The following MEMO1 variants were observed in gnomAD, a reference collection of about 807,000 sequenced individuals.
MEMO1 encodes the protein mediator of cell motility 1.
A neutral mutation model predicts 45.2 loss-of-function variants in MEMO1; 6 were observed. The observed-to-expected ratio is 0.13, with a 90% CI of 0.07 to 0.26. The LOEUF (loss-of-function observed/expected upper bound fraction) is 0.26. MEMO1 is among the 10% of genes least tolerant of loss of function. The pLI is 1.00. For missense variants in MEMO1, 184 were observed against 370.5 expected, an observed-to-expected ratio of 0.50 and a Z score of 4.13; for synonymous variants, 78 against 124.3, an observed-to-expected ratio of 0.63 and a Z score of 2.48.
chr2:31,870,721 C>T (rs1673585192), intron 8 of MEMO1, among the ~76,000 whole-genome samples: 1 of 152,002 alleles, frequency 6.6e-6, no homozygotes, highest in African/African-American at 2.4e-5. Flanking sequence ...GGATTACAGA[C>T]AACACACCAC....
intron 6 of MEMO1, among the ~76,000 whole-genome samples, chr2:31,894,730 C>A (rs907096936): frequency 6.6e-6 from 1 of 152,168 alleles, no homozygotes; most frequent in Admixed American, 6.5e-5. Flanking sequence ...GGTACGTGCA[C>A]AGGGTCTTAG....
At chr2:31,965,219 AGAAAGAAAG>A (rs920044976) in intron 2 of MEMO1, among the ~76,000 whole-genome samples, 5 of 151,550 alleles carry the variant, frequency 3.3e-5, no homozygotes, top group African/African-American at 1.2e-4. Flanking sequence ...ATCAAAAAAA[AGAAAGAAAG>A]GAAAGGAAGG....
intron 2 of MEMO1, among the ~76,000 whole-genome samples, chr2:31,971,685 T>C (rs1669423974): frequency 6.6e-6 from 1 of 152,016 alleles, no homozygotes; most frequent in Admixed American, 6.6e-5. Context: ...GAAATACAAC[T>C]AAGGCCGGGC....
chr2:32,001,058 G>C (rs1280597553), intron 2 of MEMO1, among the ~76,000 whole-genome samples: 4 of 96,940 alleles, frequency 4.1e-5, no homozygotes, highest in Non-Finnish European at 5.9e-5. Context: ...TTTTTTTTGA[G>C]ACAGGAGTCT....
chr2:32,009,337 T>C (rs892940172), intron 2 of MEMO1, among the ~76,000 whole-genome samples: 10 of 152,188 alleles, frequency 6.6e-5, no homozygotes, highest in African/African-American at 2.4e-4. Context: ...ACAGTAACAA[T>C]GCAAACACTG....
At chr2:31,922,561 C>T (rs762602569) in intron 4 of MEMO1, among the ~76,000 whole-genome samples, 13 of 151,836 alleles carry the variant, frequency 8.6e-5, no homozygotes, top group South Asian at 2.1e-4. Context: ...GTTTGGTGTA[C>T]AGATTATTTG....
At chr2:31,975,793 A>C (rs1669940078) in intron 2 of MEMO1, among the ~76,000 whole-genome samples, 1 of 152,236 alleles carries the variant, frequency 6.6e-6, no homozygotes, top group South Asian at 2.1e-4. Context: ...CAATGTCCAG[A>C]GTTGGACTGT....
chr2:31,893,355 A>G (rs1381368507), intron 6 of MEMO1: 2 of 1,147,506 alleles, frequency 1.7e-6, no homozygotes, highest in Non-Finnish European at 2.2e-6. Flanking sequence ...AAGCTGGCAG[A>G]GGAAGCTGCC....
chr2:31,918,785 A>G (rs1006348541), intron 5 of MEMO1, among the ~76,000 whole-genome samples: 27 of 152,184 alleles, frequency 1.8e-4, no homozygotes, highest in African/African-American at 6.0e-4. Context: ...ATAGAATAGA[A>G]CCAATTTTAT....
At chr2:31,903,923 T>G (rs1679261034) in intron 6 of MEMO1, among the ~76,000 whole-genome samples, 1 of 152,238 alleles carries the variant, frequency 6.6e-6, no homozygotes, top group Admixed American at 6.5e-5. Context: ...AGCCATTCCA[T>G]TCCTTAAAGA....
intron 8 of MEMO1, among the ~76,000 whole-genome samples, chr2:31,879,203 G>A (rs1449944468): frequency 6.6e-6 from 1 of 152,142 alleles, no homozygotes; most frequent in Non-Finnish European, 1.5e-5. Context: ...TGATTCCACT[G>A]AAACTGCTCT....
At chr2:31,884,986 T>C (rs779873918) in intron 7 of MEMO1, among the ~76,000 whole-genome samples, 2 of 152,250 alleles carry the variant, frequency 1.3e-5, no homozygotes, top group Non-Finnish European at 2.9e-5. Context: ...TGCCTCTATA[T>C]TGATAATTCA....
chr2:31,982,018 G>A (rs1670691485), intron 2 of MEMO1, among the ~76,000 whole-genome samples: 1 of 152,194 alleles, frequency 6.6e-6, no homozygotes. Flanking sequence ...GATACAACTG[G>A]CCGGGCGCGG....
At chr2:31,930,111 A>C (rs1271170677) in intron 4 of MEMO1, among the ~76,000 whole-genome samples, 1 of 152,194 alleles carries the variant, frequency 6.6e-6, no homozygotes, top group Non-Finnish European at 1.5e-5. Flanking sequence ...AAAATACAAA[A>C]AATTAACTCA....
At chr2:31,949,890 T>C (rs977435766) in intron 2 of MEMO1, among the ~76,000 whole-genome samples, 1 of 147,486 alleles carries the variant, frequency 6.8e-6, no homozygotes, top group Non-Finnish European at 1.5e-5. Context: ...GTACCTCCCA[T>C]AAATATATAT....
intron 6 of MEMO1, among the ~76,000 whole-genome samples, chr2:31,896,374 G>A (rs998575354): frequency 6.6e-6 from 1 of 152,170 alleles, no homozygotes; most frequent in East Asian, 1.9e-4. Context: ...AACATTTTTT[G>A]AAAGGGGCCA....
chr2:31,978,198 C>T (rs1165369862), intron 2 of MEMO1, among the ~76,000 whole-genome samples: 1 of 152,036 alleles, frequency 6.6e-6, no homozygotes, highest in Non-Finnish European at 1.5e-5. Context: ...ATCAGCCTGG[C>T]CAACATGGTC....
Position 31,990,901 on chromosome 2 carries a change from T to C in MEMO1, c.61+19286A>G, listed in dbSNP as rs185361169. ...GAGACTAGCAAGAGAACAAATGATA[T>C]ATTATTTAGATATGCACTATATTGA... On this transcript the variant is annotated intron_variant, in intron 2 of 9. Coordinates refer to ENST00000404530, the MANE Select transcript of MEMO1 (RefSeq NM_001301833.4). Among the ~76,000 whole-genome samples, 5 of 152,288 alleles carry C rather than the reference T, an allele frequency of 3.3e-5. No individual in the cohort carries two copies. The South Asian group carries it at 6.2e-4, about 19-fold the overall frequency.
chr2:32,007,736 C>T (rs1674279659), intron 2 of MEMO1, among the ~76,000 whole-genome samples: 1 of 152,134 alleles, frequency 6.6e-6, no homozygotes, highest in Non-Finnish European at 1.5e-5. Flanking sequence ...AGAGAAATAA[C>T]ACAATACAAG....
Sources: gnomAD v4.1 joint callset for allele counts (sites outside exome capture counted in the v4.1 genomes callset) on GRCh38, gnomAD v4.1.1 for gene constraint, MANE v1.5 for transcripts, NCBI Gene and HGNC (gene_info 2026-07-23, HGNC 2026-07-21) for gene names.